Variants in MYT1L observed in about 807,000 individuals in gnomAD.
MYT1L encodes the protein myelin transcription factor 1 like.
A neutral mutation model predicts 126.7 loss-of-function variants in MYT1L; 12 were observed. That is an observed-to-expected ratio of 0.09 (90% CI 0.06 to 0.15). The LOEUF (loss-of-function observed/expected upper bound fraction) is 0.15. Among genes scored for constraint, MYT1L ranks in the 10% least tolerant of loss-of-function variants. MYT1L has a pLI of 1.00. For missense variants in MYT1L, 979 were observed against 1,585.2 expected (o/e 0.62, Z 6.49); for synonymous variants, 541 against 604.2 (o/e 0.90, Z 1.53).
intron 3 of MYT1L, among the ~76,000 whole-genome samples, chr2:2,164,993 G>A (rs1052253143): frequency 2.0e-5 from 3 of 152,178 alleles, no homozygotes; most frequent in Admixed American, 1.3e-4. Context: ...GTTTGGCGGG[G>A]CTCTTTCCTC....
At chr2:2,261,874 T>C (rs1013349066) in intron 2 of MYT1L, among the ~76,000 whole-genome samples, 4 of 152,218 alleles carry the variant, frequency 2.6e-5, no homozygotes, top group African/African-American at 9.6e-5. Flanking sequence ...CCTTCATTTC[T>C]TAAAAGAATA....
intron 1 of MYT1L, among the ~76,000 whole-genome samples, chr2:2,285,239 T>G (rs1033541315): frequency 6.6e-6 from 1 of 152,182 alleles, no homozygotes; most frequent in Non-Finnish European, 1.5e-5. Context: ...GCATCGTGAA[T>G]TGCATTATGG....
chr2:2,085,519 A>G (rs930828328), intron 3 of MYT1L, among the ~76,000 whole-genome samples: 5 of 152,030 alleles, frequency 3.3e-5, no homozygotes, highest in Non-Finnish European at 7.4e-5. Flanking sequence ...TTGGATTCTT[A>G]TCAACCTGTG....
chr2:1,928,867 T>C (rs1444442805), intron 9 of MYT1L, among the ~76,000 whole-genome samples: 1 of 152,070 alleles, frequency 6.6e-6, no homozygotes, highest in Non-Finnish European at 1.5e-5. Flanking sequence ...TCCGGACTGA[T>C]ATTCAGGAAG....
chr2:1,949,624 TTTTG>T (rs1463439694), intron 8 of MYT1L, among the ~76,000 whole-genome samples: 1 of 152,208 alleles, frequency 6.6e-6, no homozygotes, highest in Non-Finnish European at 1.5e-5. Context: ...TTATTGAATG[TTTTG>T]TTTATCCAAT....
At chr2:2,032,361 G>C (rs1160170009) in intron 4 of MYT1L, among the ~76,000 whole-genome samples, 2 of 75,986 alleles carry the variant, frequency 2.6e-5, no homozygotes, top group Non-Finnish European at 4.8e-5. Flanking sequence ...CACACCCGTC[G>C]CCAGTGCCTC....
chr2:2,004,273 G>GCGTTCTTTCCTGCATA, intron 4 of MYT1L, among the ~76,000 whole-genome samples: 1 of 139,048 alleles, frequency 7.2e-6, no homozygotes, highest in Non-Finnish European at 1.6e-5. Flanking sequence ...TTTCCTGCAG[G>GCGTTCTTTCCTGCATA]CGTTCTTTCC....
chr2:2,288,504 C>T (rs1369612929), intron 1 of MYT1L, among the ~76,000 whole-genome samples: 1 of 151,910 alleles, frequency 6.6e-6, no homozygotes, highest in African/African-American at 2.4e-5. Flanking sequence ...GGAAATGTGC[C>T]GTAAAGGTAA....
intron 3 of MYT1L, among the ~76,000 whole-genome samples, chr2:2,105,963 CCAGGGACTGTG>C (rs1253750424): frequency 1.3e-5 from 2 of 152,090 alleles, no homozygotes; most frequent in Non-Finnish European, 2.9e-5. Context: ...ATTAGGATAA[CCAGGGACTGTG>C]CATTTCTTTA....
At chr2:1,864,072 GT>G (rs2045110115) in intron 18 of MYT1L, among the ~76,000 whole-genome samples, 1 of 152,218 alleles carries the variant, frequency 6.6e-6, no homozygotes, top group African/African-American at 2.4e-5. Flanking sequence ...GCGGCTGCAG[GT>G]TTTCTTCACA....
At chr2:1,846,644 C>T (rs6733896) in intron 19 of MYT1L, among the ~76,000 whole-genome samples, 67,072 of 152,012 alleles carry the variant, frequency 0.44, 15,726 homozygotes, top group East Asian at 0.68. Flanking sequence ...CCTCGTGGCC[C>T]CCAGGCCAAA....
intron 2 of MYT1L, among the ~76,000 whole-genome samples, chr2:2,192,417 A>ATT (rs33963632): frequency 4.1e-5 from 6 of 144,954 alleles, no homozygotes; most frequent in African/African-American, 1.5e-4. Context: ...TGTTAGTTTC[A>ATT]TTTTTTTTTT....
At chr2:1,870,902 T>C (rs1490390568) in intron 18 of MYT1L, among the ~76,000 whole-genome samples, 1 of 152,242 alleles carries the variant, frequency 6.6e-6, no homozygotes. Flanking sequence ...GACCCAGCTC[T>C]GCGAGCTGCC....
At position 1,929,663 on chromosome 2, in the gene MYT1L, C is replaced by T. The variant is rs1250233318; in HGVS notation, c.506-6400G>A. Among the ~76,000 whole-genome samples the T allele has an allele frequency of 6.6e-6, 1 of 152,252 alleles. No homozygotes were observed. Among genetic ancestry groups the T allele is most frequent in the Non-Finnish European group, 1.5e-5 (1 of 68,050 alleles). ...AAAATTCTCCCAGCAGAAGCTCCCACTAGTCTTATTCATCTTGAGTATAGA... is the reference window on the plus strand; with the variant it reads ...AAAATTCTCCCAGCAGAAGCTCCCATTAGTCTTATTCATCTTGAGTATAGA... On this transcript the variant is annotated intron_variant, in intron 9 of 24. Coordinates refer to ENST00000647738, the MANE Select transcript of MYT1L (RefSeq NM_001303052.2). The surrounding 1 kb of genome is among the most constrained non-coding windows in gnomAD (Gnocchi z 4.7).
intron 9 of MYT1L, among the ~76,000 whole-genome samples, chr2:1,939,379 G>A (rs1421222138): frequency 6.6e-6 from 1 of 152,208 alleles, no homozygotes; most frequent in Non-Finnish European, 1.5e-5. Context: ...AGCGATCAGA[G>A]GAATGGGACC....
At position 1,850,818 on chromosome 2, in the gene MYT1L, G is replaced by T. The variant is rs181248779; in HGVS notation, c.2774+823C>A. On this transcript the variant is annotated intron_variant, in intron 19 of 24. Coordinates refer to ENST00000647738, the MANE Select transcript of MYT1L (RefSeq NM_001303052.2). ...CCTTCTCCTTGGTGCTTCCCGTGGG[G>T]AATTTTCCATCCACTGACCCCAATC... Among the ~76,000 whole-genome samples, 484 of 152,130 alleles carry T rather than the reference G, an allele frequency of 3.2e-3. 3 individuals carry two copies. The highest frequency in any genetic ancestry group is 0.011 in the African/African-American group (466 of 41,514).
In MYT1L at chr2:1,824,102, T is replaced by C. The variant is rs191659917; in HGVS notation, c.3081-14935A>G. On this transcript the variant is annotated intron_variant, in intron 21 of 24. Coordinates refer to ENST00000647738, the MANE Select transcript of MYT1L (RefSeq NM_001303052.2). ...ATGGGGGTTGGGGAACGTTTTTAGT[T>C]TGGATTCTAAACAGAGAGTGATTCT... 1.6e-4 allele frequency among the ~76,000 whole-genome samples: 25 copies of C among 152,290 alleles called. No homozygotes were observed. The East Asian group carries it at 3.3e-3, about 20-fold the overall frequency.
intron 2 of MYT1L, among the ~76,000 whole-genome samples, chr2:2,282,912 T>C (rs1428674619): frequency 6.6e-6 from 1 of 152,140 alleles, no homozygotes; most frequent in Non-Finnish European, 1.5e-5. Flanking sequence ...CCGTCTTTAC[T>C]AAAAATAGAA....
intron 2 of MYT1L, among the ~76,000 whole-genome samples, chr2:2,248,744 CA>C: frequency 6.6e-6 from 1 of 152,122 alleles, no homozygotes; most frequent in South Asian, 2.1e-4. Context: ...GTGTCATACA[CA>C]ATATCCATAG....
Sources: gnomAD v4.1 joint callset for allele counts (sites outside exome capture counted in the v4.1 genomes callset) on GRCh38, gnomAD v4.1.1 for gene constraint, Gnocchi (gnomAD v3.1) non-coding constraint, MANE v1.5 for transcripts, NCBI Gene and HGNC (gene_info 2026-07-23, HGNC 2026-07-21) for gene names.